The following SACS variants were observed in gnomAD, a reference collection of about 807,000 sequenced individuals.
SACS encodes the protein sacsin molecular chaperone.
A neutral mutation model predicts 348.0 loss-of-function variants in SACS; 197 were observed. That is an observed-to-expected ratio of 0.57 (90% CI 0.50 to 0.64). The LOEUF is 0.64. Ranked by LOEUF, SACS falls within the 30% of genes least tolerant of loss-of-function variation. The probability of loss-of-function intolerance (pLI) is 0.00; values close to 1 mark genes in which losing one functional copy is unlikely to be tolerated. For missense variants in SACS, 4,999 were observed against 5,360.8 expected (o/e 0.93, Z 2.11); for synonymous variants, 1,985 against 1,910.6 (o/e 1.04, Z -1.02).
chr13:23,431,070 C>T (rs1874416373), intron 1 of SACS, among the ~76,000 whole-genome samples: 1 of 152,194 alleles, frequency 6.6e-6, no homozygotes, highest in Non-Finnish European at 1.5e-5. Context: ...CTTAAGGTTG[C>T]ATTTTGTAAT....
At chr13:23,417,481 G>A (rs1281563527) in intron 1 of SACS, among the ~76,000 whole-genome samples, 2 of 152,192 alleles carry the variant, frequency 1.3e-5, no homozygotes, top group African/African-American at 4.8e-5. Flanking sequence ...TTGCATTAAT[G>A]AGAACCTGAT....
chr13:23,371,122 C>G lies in SACS; in HGVS notation c.215G>C (p.Cys72Ser). The G allele has an allele frequency of 6.2e-7, 1 of 1,611,742 alleles. No individual in the cohort carries two copies. The highest frequency in any genetic ancestry group is 8.5e-7 in the Non-Finnish European group (1 of 1,178,376). The part of the protein sequence containing the change: ...IKIGDLTSKN[C>S]HLFVNLQSKG... ...TGATTGAAGGTTTACAAAAAGATGA[C>G]AATTTTTGGAAGTCAGATCTCCAAT... The change falls in exon 4 of 10, where the codon TGT becomes TCT. Residue 72 changes from cysteine (C) to serine (S), a missense_variant. Transcript: ENST00000382292.
In SACS at chr13:23,340,907, C is replaced by T; in HGVS notation, c.2969G>A (p.Ser990Asn). ...ATCTTTTAAAACAAGCTTTAAGCAG[C>T]TAGTGGTCTTTAACTGTTCTATTTT... ...MLKIEQLKTT[S>N]CLKLVLKDIE... Residue 990 changes from serine to asparagine, a missense_variant, in exon 10 of 10, where the codon AGC becomes AAC. This residue lies in a region of SACS where 3,156 missense variants were observed against 3,380.1 expected (regional missense o/e 0.93). Transcript: ENST00000382292. 6.2e-7 allele frequency: 1 copy of T among 1,613,526 alleles called. No individual in the cohort carries two copies. Among genetic ancestry groups the T allele is most frequent in the Non-Finnish European group, 8.5e-7 (1 of 1,179,468 alleles).
intron 9 of SACS, among the ~76,000 whole-genome samples, chr13:23,351,777 G>T (rs1869973829): frequency 6.6e-6 from 1 of 152,082 alleles, no homozygotes; most frequent in Admixed American, 6.6e-5. Context: ...ATTTCTGGGA[G>T]TGCTAACCCA....
intron 2 of SACS, among the ~76,000 whole-genome samples, chr13:23,378,430 C>A (rs1173076473): frequency 6.6e-6 from 1 of 152,094 alleles, no homozygotes; most frequent in African/African-American, 2.4e-5. Flanking sequence ...TTTTTCAGTT[C>A]CTCTTACGTC....
rs368607400 is a variant in SACS at position 23,353,749 on chromosome 13, T to C, written c.2185+36A>G. The C allele has an allele frequency of 1.7e-5, 20 of 1,177,354 alleles. No individual in the cohort carries two copies. The Admixed American group carries it at 2.3e-4, about 14-fold the overall frequency. The allele number at this position is 1,177,354 out of a possible 1,614,324, so 72.9% of individuals were successfully genotyped here. ...CTTTTAAAAAACTTGTATTTTTATATAGAAGTTTATTTAAAAGAATACTAA... is the reference window on the plus strand; with the variant it reads ...CTTTTAAAAAACTTGTATTTTTATACAGAAGTTTATTTAAAAGAATACTAA... On this transcript the variant is annotated intron_variant, in intron 9 of 9. Coordinates refer to ENST00000382292, the MANE Select transcript of SACS (RefSeq NM_014363.6).
chr13:23,341,806 T>G lies in SACS; in HGVS notation c.2186-116A>C, dbSNP rs1869263169. 17 of 723,026 alleles carry G rather than the reference T, an allele frequency of 2.4e-5. 1 individual carries two copies. The highest frequency in any genetic ancestry group is 2.0e-4 in the South Asian group (11 of 56,232). The allele number at this position is 723,026 out of a possible 1,614,324, so 44.8% of individuals were successfully genotyped here. On this transcript the variant is annotated intron_variant, in intron 9 of 9. Coordinates refer to ENST00000382292, the MANE Select transcript of SACS (RefSeq NM_014363.6). The stretch of plus-strand genomic sequence containing the variant: ...TTTTTTTTTTTTTTTTTTTTTTTTT[T>G]GACGGAGTCTTGCTCTGTCGCCCAG...
Position 23,402,935 on chromosome 13 carries a change from T to G in SACS, c.20+8285A>C, listed in dbSNP as rs1443287368. On this transcript the variant is annotated intron_variant, in intron 2 of 9. Coordinates refer to ENST00000382292, the MANE Select transcript of SACS (RefSeq NM_014363.6). ...GCTCACGCCTATAATCCCAGCACTT[T>G]GGGAGGCCAAGGCAGGCAGATCACT... is the stretch of plus-strand genomic sequence containing the variant. 2.0e-5 allele frequency among the ~76,000 whole-genome samples: 3 copies of G among 149,312 alleles called. No individual in the cohort carries two copies. In the South Asian group the frequency reaches 6.7e-4, roughly 33 times the overall value.
At chr13:23,387,710 A>G (rs1195776510) in intron 2 of SACS, among the ~76,000 whole-genome samples, 1 of 152,150 alleles carries the variant, frequency 6.6e-6, no homozygotes, top group Non-Finnish European at 1.5e-5. Context: ...CTGTGATATC[A>G]GGAGTTTACC....
intron 1 of SACS, among the ~76,000 whole-genome samples, chr13:23,415,696 TC>T (rs1323090446): frequency 6.6e-6 from 1 of 152,196 alleles, no homozygotes; most frequent in Non-Finnish European, 1.5e-5. Context: ...TATTTATTTT[TC>T]CCAAAATATT....
intron 2 of SACS, among the ~76,000 whole-genome samples, chr13:23,397,302 G>T (rs1593171987): frequency 6.6e-6 from 1 of 152,124 alleles, no homozygotes; most frequent in African/African-American, 2.4e-5. Flanking sequence ...TAAAATGACT[G>T]GTTGTTCCAG....
At chr13:23,356,490 G>A (rs991111442) in intron 7 of SACS, among the ~76,000 whole-genome samples, 7 of 152,188 alleles carry the variant, frequency 4.6e-5, no homozygotes, top group African/African-American at 1.7e-4. Flanking sequence ...TCCCTCAAGG[G>A]GTCTTAACCT....
intron 7 of SACS, among the ~76,000 whole-genome samples, chr13:23,357,253 T>C (rs1870451588): frequency 6.6e-6 from 1 of 152,200 alleles, no homozygotes; most frequent in Non-Finnish European, 1.5e-5. Flanking sequence ...ATTTACAAAC[T>C]ACTACATGGC....
intron 9 of SACS, among the ~76,000 whole-genome samples, chr13:23,345,553 C>T (rs1019454139): frequency 2.0e-5 from 3 of 152,188 alleles, no homozygotes; most frequent in African/African-American, 7.2e-5. Context: ...AGTACCAGGG[C>T]ATGTGTTAAT....
Position 23,354,622 on chromosome 13 carries a change from G to A in SACS, c.1990C>T (p.Leu664Phe), listed in dbSNP as rs760532575. 6 of 1,614,240 alleles carry A rather than the reference G, an allele frequency of 3.7e-6. No individual in the cohort carries two copies. The African/African-American group carries it at 4.0e-5, about 11-fold the overall frequency. Residue 664 changes from leucine (L) to phenylalanine (F), a missense_variant, in exon 8 of 10, where the codon CTT becomes TTT. Leu to Phe is a conservative substitution (Grantham distance 22). This residue lies in a region of SACS where 3,156 missense variants were observed against 3,380.1 expected (regional missense o/e 0.93). Transcript: ENST00000382292. ...TGTAAAGGGAGCAGCTCCAGCCCAA[G>A]CAGCTCACTGTAGGCTTGGTCAGAA... ...VLSDQAYSELLGLELLPLQNG... is the reference protein window; with the variant it reads ...VLSDQAYSELFGLELLPLQNG...
intron 5 of SACS, among the ~76,000 whole-genome samples, chr13:23,366,809 C>T (rs1871094479): frequency 6.6e-6 from 1 of 152,198 alleles, no homozygotes; most frequent in Non-Finnish European, 1.5e-5. Flanking sequence ...AGCAACAATA[C>T]ATTTTGTATT....
At position 23,332,553 on chromosome 13, in the gene SACS, T is replaced by C. The variant is rs762992066; in HGVS notation, c.11323A>G (p.Ser3775Gly). The C allele has an allele frequency of 1.9e-6, 3 of 1,613,812 alleles. No individual in the cohort carries two copies. The Admixed American group carries it at 5.0e-5, about 27-fold the overall frequency. The change falls in exon 10 of 10, where the codon AGC becomes GGC. Residue 3775 changes from serine to glycine, a missense_variant. Physicochemically the swap from Ser to Gly is moderately conservative, Grantham distance 56. Transcript: ENST00000382292. ...MVKTRAKVLR[S>G]IYEFLSAEKR... is the part of the protein sequence containing the mutation. Reference sequence around the variant, plus strand: ...TCTGCACTGAGGAATTCATATATGCTCCTTAAGACTTTTGCTCTAGTTTTT... The same window carrying C: ...TCTGCACTGAGGAATTCATATATGCCCCTTAAGACTTTTGCTCTAGTTTTT...
In SACS at chr13:23,338,641, A is replaced by G; in HGVS notation, c.5235T>C (p.Ser1745=). 1 of 1,614,174 alleles carries G rather than the reference A, an allele frequency of 6.2e-7. No individual in the cohort carries two copies. The highest frequency in any genetic ancestry group is 8.5e-7 in the Non-Finnish European group (1 of 1,180,014). The change falls in exon 10 of 10, where the codon AGT becomes AGC. Residue 1745 remains serine (S), a synonymous_variant. Coordinates refer to ENST00000382292, the MANE Select transcript of SACS (RefSeq NM_014363.6). ...GTTCATCACTGGGAAGCTTTTTATT[A>G]CTGCTGCTGCAAGTCTTCATGAGCT... ...AAKLMKTCSS[S]NKKLPSDEPK...
chr13:23,339,949 T>A lies in SACS; in HGVS notation c.3927A>T (p.Lys1309Asn). 1 of 1,613,928 alleles carries A rather than the reference T, an allele frequency of 6.2e-7. No individual in the cohort carries two copies. Among genetic ancestry groups the A allele is most frequent in the Non-Finnish European group, 8.5e-7 (1 of 1,179,938 alleles). The change falls in exon 10 of 10, where the codon AAA becomes AAT. Residue 1309 changes from lysine to asparagine, a missense_variant. Physicochemically the swap from Lys to Asn is moderately conservative, Grantham distance 94. Around this residue, in one of 6 missense-constraint regions of SACS, gnomAD observed 3,156 missense variants for 3,380.1 expected, o/e 0.93. Coordinates refer to ENST00000382292, the MANE Select transcript of SACS (RefSeq NM_014363.6). ...DLQPYLHNVP[K>N]TMAKFHQLFK... ...ATAGTTGGTGGAATTTTGCCATGGT[T>A]TTAGGTACATTATGCAAATAAGGCT... is the stretch of plus-strand genomic sequence containing the variant.
Sources: gnomAD v4.1 joint callset for allele counts (sites outside exome capture counted in the v4.1 genomes callset) on GRCh38, gnomAD v4.1.1 for gene constraint, gnomAD v4.1.1 regional missense constraint, MANE v1.5 for transcripts, NCBI Gene and HGNC (gene_info 2026-07-23, HGNC 2026-07-21) for gene names.